The following THSD7A variants were observed in gnomAD, a reference collection of about 807,000 sequenced individuals.
The protein encoded by THSD7A is thrombospondin type-1 domain-containing protein 7A.
THSD7A carries 96 observed loss-of-function variants against 231.3 expected under a neutral mutation model. That is an observed-to-expected ratio of 0.41 (90% CI 0.35 to 0.49). THSD7A has a LOEUF of 0.49. Ranked by LOEUF, THSD7A falls within the 20% of genes least tolerant of loss-of-function variation. THSD7A has a pLI of 0.05. For missense variants in THSD7A, 2,290 were observed against 2,070.2 expected (o/e 1.11, Z -2.06); for synonymous variants, 940 against 743.3 (o/e 1.26, Z -4.30).
chr7:11,588,294 C>A (rs531712582), intron 4 of THSD7A, among the ~76,000 whole-genome samples: 1 of 151,978 alleles, frequency 6.6e-6, no homozygotes, highest in East Asian at 1.9e-4. Flanking sequence ...TAAGTGCTCC[C>A]GGGGAGAAAC....
At chr7:11,776,740 A>C (rs1244166443) in intron 1 of THSD7A, among the ~76,000 whole-genome samples, 1 of 152,222 alleles carries the variant, frequency 6.6e-6, no homozygotes, top group Non-Finnish European at 1.5e-5. Context: ...GTATTCTGGG[A>C]GCTAAAGACG....
intron 6 of THSD7A, among the ~76,000 whole-genome samples, chr7:11,491,987 C>A (rs1161918943): frequency 6.6e-6 from 1 of 152,022 alleles, no homozygotes; most frequent in East Asian, 1.9e-4. Flanking sequence ...ATCTGTCCTG[C>A]AAATTATCAG....
At chr7:11,752,956 C>G (rs1298138374) in intron 1 of THSD7A, among the ~76,000 whole-genome samples, 2 of 150,768 alleles carry the variant, frequency 1.3e-5, no homozygotes, top group African/African-American at 5.0e-5. Flanking sequence ...ATCAATCAAT[C>G]AATCATTTCT....
At chr7:11,744,204 T>C (rs1365974540) in intron 1 of THSD7A, among the ~76,000 whole-genome samples, 2 of 151,900 alleles carry the variant, frequency 1.3e-5, no homozygotes, top group Non-Finnish European at 2.9e-5. Context: ...GGAGATCTCT[T>C]TTTTGACCTT....
chr7:11,599,368 G>A (rs1780473018), intron 2 of THSD7A, among the ~76,000 whole-genome samples: 2 of 152,222 alleles, frequency 1.3e-5, no homozygotes, highest in African/African-American at 4.8e-5. Flanking sequence ...GAAGAAGGTA[G>A]TCATCAATAC....
chr7:11,758,424 T>G (rs1205366234), intron 1 of THSD7A, among the ~76,000 whole-genome samples: 2 of 152,048 alleles, frequency 1.3e-5, no homozygotes, highest in Non-Finnish European at 2.9e-5. Context: ...AAAGCATGAA[T>G]GCAGTGAGAA....
intron 1 of THSD7A, among the ~76,000 whole-genome samples, chr7:11,707,359 T>A (rs1780802210): frequency 1.3e-5 from 2 of 150,970 alleles, no homozygotes; most frequent in African/African-American, 4.8e-5. Flanking sequence ...GAGCTATTAA[T>A]TTTTTACAGA....
intron 4 of THSD7A, among the ~76,000 whole-genome samples, chr7:11,586,341 T>C (rs549518817): frequency 1.9e-4 from 29 of 152,302 alleles, no homozygotes; most frequent in African/African-American, 6.0e-4. Flanking sequence ...ACAGGTTTGA[T>C]ATATTTTTAG....
intron 1 of THSD7A, among the ~76,000 whole-genome samples, chr7:11,677,022 G>A (rs536785043): frequency 4.1e-4 from 62 of 152,260 alleles, no homozygotes; most frequent in African/African-American, 1.5e-3. Context: ...AGAGAAAAAC[G>A]TTGGGTTACC....
At chr7:11,651,360 T>C (rs1782494917) in intron 1 of THSD7A, among the ~76,000 whole-genome samples, 1 of 151,930 alleles carries the variant, frequency 6.6e-6, no homozygotes, top group African/African-American at 2.4e-5. Context: ...AAATGGATAG[T>C]GGTGATGGTG....
chr7:11,767,655 T>C (rs532286495), intron 1 of THSD7A, among the ~76,000 whole-genome samples: 44 of 152,180 alleles, frequency 2.9e-4, no homozygotes, highest in Non-Finnish European at 4.4e-4. Context: ...CCAACAGGAA[T>C]AGATCTTTGG....
intron 6 of THSD7A, among the ~76,000 whole-genome samples, chr7:11,538,341 A>G (rs1006480295): frequency 1.3e-5 from 2 of 152,214 alleles, no homozygotes; most frequent in African/African-American, 4.8e-5. Flanking sequence ...AAATATAGAC[A>G]GCATCATTTT....
chr7:11,478,195 A>C (rs1376255683), intron 7 of THSD7A, among the ~76,000 whole-genome samples: 2 of 152,254 alleles, frequency 1.3e-5, no homozygotes, highest in African/African-American at 4.8e-5. Context: ...TCATGATCTG[A>C]CATCCTACAT....
intron 4 of THSD7A, among the ~76,000 whole-genome samples, chr7:11,581,800 G>A (rs1791178307): frequency 6.6e-6 from 1 of 151,812 alleles, no homozygotes; most frequent in Non-Finnish European, 1.5e-5. Context: ...ACACATATAT[G>A]GCAAACTAAT....
At chr7:11,687,485 G>C (rs1780094601) in intron 1 of THSD7A, among the ~76,000 whole-genome samples, 1 of 151,742 alleles carries the variant, frequency 6.6e-6, no homozygotes, top group African/African-American at 2.4e-5. Flanking sequence ...TATGAGCTCA[G>C]ACAACCTTAA....
At chr7:11,645,915 C>T (rs1017110069) in intron 1 of THSD7A, among the ~76,000 whole-genome samples, 2 of 149,506 alleles carry the variant, frequency 1.3e-5, no homozygotes, top group South Asian at 2.1e-4. Context: ...AGTTAAACAC[C>T]CCCAAAAAAG....
chr7:11,656,014 T>G (rs1782690027), intron 1 of THSD7A, among the ~76,000 whole-genome samples: 1 of 151,906 alleles, frequency 6.6e-6, no homozygotes, highest in African/African-American at 2.4e-5. Context: ...TCCCGATTTC[T>G]TAATCAGCAG....
At chr7:11,594,857 C>T (rs1333582076) in intron 2 of THSD7A, among the ~76,000 whole-genome samples, 2 of 152,138 alleles carry the variant, frequency 1.3e-5, no homozygotes, top group Non-Finnish European at 2.9e-5. Flanking sequence ...GCATGCACAG[C>T]CTCACCAGGT....
At chr7:11,420,755 T>G (rs1041826086) in intron 16 of THSD7A, among the ~76,000 whole-genome samples, 1 of 152,144 alleles carries the variant, frequency 6.6e-6, no homozygotes, top group Non-Finnish European at 1.5e-5. Flanking sequence ...TGCCAGCTCA[T>G]GAAAGCAGCC....
Sources: gnomAD v4.1 joint callset for allele counts (sites outside exome capture counted in the v4.1 genomes callset) on GRCh38, gnomAD v4.1.1 for gene constraint, MANE v1.5 for transcripts, NCBI Gene and HGNC (gene_info 2026-07-23, HGNC 2026-07-21) for gene names.